ANKS1B: variants seen among roughly 807,000 people sequenced by gnomAD.
ANKS1B encodes ankyrin repeat and sterile alpha motif domain-containing protein 1B.
ANKS1B carries 36 observed loss-of-function variants against 148.3 expected under a neutral mutation model. The ratio of observed to expected loss-of-function variants is 0.24; its 90% confidence interval spans 0.19 to 0.32. ANKS1B has a LOEUF of 0.32. ANKS1B is among the 10% of genes least tolerant of loss of function. The pLI is 1.00. For synonymous variants in ANKS1B, 542 were observed against 560.8 expected (o/e 0.97, Z 0.47); for missense variants, 1,157 against 1,542.6 (o/e 0.75, Z 4.19).
intron 8 of ANKS1B, among the ~76,000 whole-genome samples, chr12:99,666,856 G>GT (rs2098509826): frequency 8.1e-6 from 1 of 123,498 alleles, no homozygotes; most frequent in African/African-American, 3.4e-5. Flanking sequence ...AGTTACTATG[G>GT]GGTGTGTGTG....
At chr12:99,776,841 C>T (rs1017310599) in intron 6 of ANKS1B, among the ~76,000 whole-genome samples, 2 of 151,992 alleles carry the variant, frequency 1.3e-5, no homozygotes, top group African/African-American at 2.4e-5. Flanking sequence ...CCACCACACC[C>T]GGCTCATTTT....
At chr12:98,866,557 G>A (rs117955804) in intron 17 of ANKS1B, among the ~76,000 whole-genome samples, 21 of 152,172 alleles carry the variant, frequency 1.4e-4, no homozygotes, top group Non-Finnish European at 2.6e-4. Flanking sequence ...ATATCACCTC[G>A]CCCATCCTTG....
Position 99,406,293 on chromosome 12 carries a change from A to C in ANKS1B, c.1576-6482T>G, listed in dbSNP as rs986977394. On this transcript the variant is annotated intron_variant, in intron 11 of 26. Coordinates refer to ENST00000683438, the MANE Select transcript of ANKS1B (RefSeq NM_001352186.2). ...AGGTCACGAAACAAGTCTTAAAAAAACTAAAAAATAAATTGAAATTATATC... is the reference window on the plus strand; with the variant it reads ...AGGTCACGAAACAAGTCTTAAAAAACCTAAAAAATAAATTGAAATTATATC... Among the ~76,000 whole-genome samples, 3 of 145,984 alleles carry C rather than the reference A, an allele frequency of 2.1e-5. 1 individual carries two copies. Among genetic ancestry groups the C allele is most frequent in the African/African-American group, 7.8e-5 (3 of 38,612 alleles).
At chr12:98,977,280 GA>G (rs1394207584) in intron 17 of ANKS1B, among the ~76,000 whole-genome samples, 4 of 152,082 alleles carry the variant, frequency 2.6e-5, no homozygotes, top group Admixed American at 2.6e-4. Context: ...ATCATTTTAT[GA>G]AAAAACCTTG....
intron 10 of ANKS1B, among the ~76,000 whole-genome samples, chr12:99,464,742 A>G (rs934998797): frequency 6.6e-5 from 10 of 152,310 alleles, no homozygotes; most frequent in African/African-American, 2.4e-4. Context: ...AGTTTAGAGA[A>G]AAAAGAATAA....
rs1038471735 is a variant in ANKS1B, at chr12:99,984,846, G to GGGC, written c.-612_-610dup. On this transcript the variant is annotated 5_prime_UTR_variant, in exon 1 of 27. Coordinates refer to ENST00000683438, the MANE Select transcript of ANKS1B (RefSeq NM_001352186.2). ...GGCAGCCGCAGCGGGCGCGTGCCGAGGGCGGCGGCGGCGGCGAGGCCTGGC... is the reference window on the plus strand; with the variant it reads ...GGCAGCCGCAGCGGGCGCGTGCCGAGGGCGGCGGCGGCGGCGGCGAGGCCTGGC... Among the ~76,000 whole-genome samples, 6 of 146,596 alleles carry GGGC rather than the reference G, an allele frequency of 4.1e-5. No individual in the cohort carries two copies. The highest frequency in any genetic ancestry group is 2.1e-4 in the South Asian group (1 of 4,816).
chr12:99,968,257 A>G (rs1244522898), intron 1 of ANKS1B, among the ~76,000 whole-genome samples: 1 of 152,090 alleles, frequency 6.6e-6, no homozygotes, highest in African/African-American at 2.4e-5. Flanking sequence ...AAAGAGATGG[A>G]TCATAAATGA....
chr12:98,822,219 C>T (rs1364896140), intron 19 of ANKS1B, among the ~76,000 whole-genome samples: 1 of 152,050 alleles, frequency 6.6e-6, no homozygotes, highest in Non-Finnish European at 1.5e-5. Flanking sequence ...CAGAATTAAC[C>T]AAGACAGGGC....
intron 1 of ANKS1B, among the ~76,000 whole-genome samples, chr12:99,830,791 T>C (rs1474013727): frequency 1.3e-5 from 2 of 152,210 alleles, no homozygotes; most frequent in Non-Finnish European, 2.9e-5. Context: ...TCAAACCTCA[T>C]TCCTACCCTC....
chr12:99,411,839 T>G (rs1396707904), intron 11 of ANKS1B, among the ~76,000 whole-genome samples: 6 of 152,192 alleles, frequency 3.9e-5, no homozygotes, highest in Admixed American at 3.9e-4. Flanking sequence ...GCGTGGATAT[T>G]GGATCTCTTT....
At position 99,015,888 on chromosome 12, in the gene ANKS1B, CA is replaced by C. The variant is rs570753945; in HGVS notation, c.2778+37268del. 3.9e-4 allele frequency among the ~76,000 whole-genome samples: 59 copies of C among 151,922 alleles called. 1 individual carries two copies. The South Asian group carries it at 0.012, about 31-fold the overall frequency. ...CTCAAACCAAAAAACAAAAAACAAA[CA>C]AAAAAACACAGCTTCAAGTTTGTAG... On this transcript the variant is annotated intron_variant, in intron 17 of 26. Coordinates refer to ENST00000683438, the MANE Select transcript of ANKS1B (RefSeq NM_001352186.2).
chr12:98,841,507 T>C (rs1278433576), intron 17 of ANKS1B, among the ~76,000 whole-genome samples: 1 of 152,200 alleles, frequency 6.6e-6, no homozygotes, highest in African/African-American at 2.4e-5. Context: ...ATTCTGTTTC[T>C]GTCAGCAGCT....
intron 8 of ANKS1B, among the ~76,000 whole-genome samples, chr12:99,687,277 T>C (rs1437954773): frequency 6.6e-6 from 1 of 152,208 alleles, no homozygotes; most frequent in African/African-American, 2.4e-5. Flanking sequence ...TTTACATCAC[T>C]GATTTTCAAT....
chr12:99,724,483 C>T (rs1384875464), intron 8 of ANKS1B, among the ~76,000 whole-genome samples: 2 of 152,108 alleles, frequency 1.3e-5, no homozygotes, highest in African/African-American at 4.8e-5. Context: ...ATGAACAAAA[C>T]CTCCAAGAAA....
intron 17 of ANKS1B, among the ~76,000 whole-genome samples, chr12:98,885,397 G>A (rs1236345337): frequency 3.3e-5 from 5 of 152,160 alleles, no homozygotes; most frequent in Admixed American, 6.5e-5. Context: ...ACAAAATTCT[G>A]AGACTTTTTG....
intron 12 of ANKS1B, among the ~76,000 whole-genome samples, chr12:99,348,030 G>A (rs1026640770): frequency 3.3e-5 from 5 of 151,962 alleles, no homozygotes; most frequent in African/African-American, 1.2e-4. Context: ...GAGCTGAAAT[G>A]TACAAGTATA....
At chr12:99,833,588 G>A (rs1308067281) in intron 1 of ANKS1B, among the ~76,000 whole-genome samples, 1 of 152,186 alleles carries the variant, frequency 6.6e-6, no homozygotes, top group African/African-American at 2.4e-5. Flanking sequence ...AAAGCTGCAA[G>A]GGCAGTAGTA....
intron 19 of ANKS1B, among the ~76,000 whole-genome samples, chr12:98,824,531 T>C (rs2099231225): frequency 6.6e-6 from 1 of 152,224 alleles, no homozygotes; most frequent in Non-Finnish European, 1.5e-5. Context: ...TTCATATAAA[T>C]TATCTGATAC....
At chr12:99,037,473 C>T (rs908061131) in intron 17 of ANKS1B, among the ~76,000 whole-genome samples, 3 of 151,576 alleles carry the variant, frequency 2.0e-5, no homozygotes, top group African/African-American at 7.3e-5. Context: ...CTGCTGCACA[C>T]CAGCTGGGGC....
Sources: gnomAD v4.1 joint callset for allele counts (sites outside exome capture counted in the v4.1 genomes callset) on GRCh38, gnomAD v4.1.1 for gene constraint, MANE v1.5 for transcripts, NCBI Gene and HGNC (gene_info 2026-07-23, HGNC 2026-07-21) for gene names.